FRMD4B: variants seen among roughly 807,000 people sequenced by gnomAD.
FRMD4B encodes the protein FERM domain-containing protein 4B.
A neutral mutation model predicts 141.5 loss-of-function variants in FRMD4B; 74 were observed. The observed-to-expected ratio is 0.52, with a 90% CI of 0.43 to 0.63. The LOEUF (loss-of-function observed/expected upper bound fraction) is 0.63, where lower values mean the gene tolerates loss of function less well. Ranked by LOEUF, FRMD4B falls within the 30% of genes least tolerant of loss-of-function variation. FRMD4B has a pLI of 0.00. For synonymous variants in FRMD4B, 506 were observed against 467.9 expected (o/e 1.08, Z -1.05); for missense variants, 1,366 against 1,253.4 (o/e 1.09, Z -1.36).
intron 2 of FRMD4B, among the ~76,000 whole-genome samples, chr3:69,428,127 T>C (rs978797411): frequency 1.3e-5 from 2 of 151,966 alleles, no homozygotes; most frequent in African/African-American, 2.4e-5. Context: ...ACATAGTTTA[T>C]AGATGACTCT....
At chr3:69,356,226 G>C (rs1248648249) in intron 1 of FRMD4B, among the ~76,000 whole-genome samples, 1 of 152,184 alleles carries the variant, frequency 6.6e-6, no homozygotes, top group African/African-American at 2.4e-5. Flanking sequence ...AGGATGCCAA[G>C]TATTGATCCT....
chr3:69,362,801 TTC>T (rs1246366408), intron 1 of FRMD4B, among the ~76,000 whole-genome samples: 7 of 152,130 alleles, frequency 4.6e-5, no homozygotes, highest in African/African-American at 1.7e-4. Flanking sequence ...TTTAAACAAT[TTC>T]TTTCTATTCC....
chr3:69,421,717 G>A (rs1443573101), intron 2 of FRMD4B, among the ~76,000 whole-genome samples: 1 of 152,138 alleles, frequency 6.6e-6, no homozygotes, highest in Non-Finnish European at 1.5e-5. Context: ...CCTTTCAACT[G>A]CTCAATAGCC....
At chr3:69,409,493 C>A (rs1423874451) in intron 2 of FRMD4B, among the ~76,000 whole-genome samples, 2 of 152,220 alleles carry the variant, frequency 1.3e-5, no homozygotes, top group African/African-American at 4.8e-5. Flanking sequence ...CACCTCTGGA[C>A]TGCCAAGGGG....
intron 2 of FRMD4B, among the ~76,000 whole-genome samples, chr3:69,411,291 G>C (rs984639834): frequency 2.0e-5 from 3 of 152,138 alleles, no homozygotes; most frequent in Non-Finnish European, 4.4e-5. Context: ...ATTGAAGAAG[G>C]TTTAAGTTAG....
intron 1 of FRMD4B, among the ~76,000 whole-genome samples, chr3:69,370,319 C>T (rs563524801): frequency 3.3e-5 from 5 of 152,096 alleles, no homozygotes; most frequent in Non-Finnish European, 7.4e-5. Context: ...ACCACAGGGC[C>T]GGGTGCAGGA....
chr3:69,506,217 TC>T (rs1397876617), intron 1 of FRMD4B, among the ~76,000 whole-genome samples: 3 of 152,278 alleles, frequency 2.0e-5, no homozygotes, highest in Middle Eastern at 3.4e-3. Flanking sequence ...GCCCTGATCT[TC>T]ACCCCACTTC....
At chr3:69,386,322 C>A (rs1245383251), upstream of FRMD4B, 3 of 229,710 alleles carry the variant, frequency 1.3e-5, no homozygotes, top group African/African-American at 2.3e-5. Context: ...GAGGACTCCC[C>A]CTGGCGCTTC....
intron 11 of FRMD4B, among the ~76,000 whole-genome samples, chr3:69,214,172 T>C (rs1575616650): frequency 6.6e-6 from 1 of 152,186 alleles, no homozygotes; most frequent in African/African-American, 2.4e-5. Flanking sequence ...CATAGAAGAC[T>C]GTGTGCAATG....
chr3:69,351,331 G>GT (rs1254319086), intron 1 of FRMD4B, among the ~76,000 whole-genome samples: 1 of 152,166 alleles, frequency 6.6e-6, no homozygotes, highest in South Asian at 2.1e-4. Context: ...AGGGACAAAC[G>GT]TAAGTCTCAT....
At chr3:69,220,689 T>TA (rs1187605572) in intron 9 of FRMD4B, among the ~76,000 whole-genome samples, 2 of 152,118 alleles carry the variant, frequency 1.3e-5, no homozygotes, top group Non-Finnish European at 2.9e-5. Flanking sequence ...CTGTCTCTAC[T>TA]AAAACTACAT....
intron 1 of FRMD4B, among the ~76,000 whole-genome samples, chr3:69,510,969 A>T (rs1706676950): frequency 6.6e-6 from 1 of 152,208 alleles, no homozygotes; most frequent in African/African-American, 2.4e-5. Context: ...AGACCAATAG[A>T]GCATTTTATT....
At chr3:69,455,456 C>A (rs150277786) in intron 1 of FRMD4B, among the ~76,000 whole-genome samples, 8 of 152,158 alleles carry the variant, frequency 5.3e-5, no homozygotes, top group African/African-American at 1.7e-4. Flanking sequence ...ATGAACAACT[C>A]CAGACATGCC....
intron 1 of FRMD4B, among the ~76,000 whole-genome samples, chr3:69,454,816 G>A (rs550018412): frequency 4.6e-5 from 7 of 152,332 alleles, no homozygotes; most frequent in Non-Finnish European, 7.3e-5. Flanking sequence ...GAGGGCAGGC[G>A]CACCATGCAG....
At chr3:69,506,032 C>T (rs1159115479) in intron 1 of FRMD4B, among the ~76,000 whole-genome samples, 4 of 152,206 alleles carry the variant, frequency 2.6e-5, no homozygotes, top group African/African-American at 9.7e-5. Context: ...TCGCTGAATG[C>T]TGGTGAATAG....
At chr3:69,523,398 G>A (rs1307197113) in intron 1 of FRMD4B, among the ~76,000 whole-genome samples, 1 of 152,152 alleles carries the variant, frequency 6.6e-6, no homozygotes, top group African/African-American at 2.4e-5. Context: ...GGTGGTAGGG[G>A]AGGAGCTTAG....
rs535949678 is a variant in FRMD4B, at chr3:69,350,872, C to T, written c.162+34956G>A. 5.3e-5 allele frequency among the ~76,000 whole-genome samples: 8 copies of T among 151,238 alleles called. No homozygotes were observed. The East Asian group carries it at 1.6e-3, about 30-fold the overall frequency. On this transcript the variant is annotated intron_variant, in intron 1 of 22. Coordinates refer to ENST00000398540, the MANE Select transcript of FRMD4B (RefSeq NM_015123.3). ...GGGAGGGATAGCATTAGGAGATATA[C>T]CTAATGTAAATGATGAGTTAATGGG...
At chr3:69,383,572 AT>A (rs1004210291) in intron 1 of FRMD4B, among the ~76,000 whole-genome samples, 5 of 152,136 alleles carry the variant, frequency 3.3e-5, no homozygotes, top group African/African-American at 1.2e-4. Flanking sequence ...TAATTAATTA[AT>A]TTTTTAGAGG....
chr3:69,502,585 GA>G (rs1559547504), intron 1 of FRMD4B, among the ~76,000 whole-genome samples: 3 of 152,098 alleles, frequency 2.0e-5, no homozygotes, highest in Non-Finnish European at 4.4e-5. Flanking sequence ...AACCCTAGAA[GA>G]AAACCTAGGC....
Sources: allele counts gnomAD v4.1 joint callset (sites outside exome capture counted in the v4.1 genomes callset), GRCh38; gene constraint gnomAD v4.1.1; transcripts MANE v1.5; gene names NCBI Gene and HGNC (gene_info 2026-07-23, HGNC 2026-07-21).